Variants in FLT3 observed in about 807,000 individuals in gnomAD.
FLT3 encodes fms related receptor tyrosine kinase 3.
In FLT3, 46 loss-of-function variants were observed where a neutral mutation model predicts 126.6. That is an observed-to-expected ratio of 0.36 (90% CI 0.29 to 0.46). The LOEUF is 0.46. Among genes scored for constraint, FLT3 ranks in the 20% least tolerant of loss-of-function variants. The pLI is 1.00. For synonymous variants in FLT3, 404 were observed against 434.4 expected, an observed-to-expected ratio of 0.93 and a Z score of 0.87; for missense variants, 1,069 against 1,190.3, an observed-to-expected ratio of 0.90 and a Z score of 1.50.
intron 1 of FLT3, among the ~76,000 whole-genome samples, chr13:28,084,625 G>A (rs571426227): frequency 6.6e-6 from 1 of 152,078 alleles, no homozygotes; most frequent in Non-Finnish European, 1.5e-5. Flanking sequence ...TGCCCAGGCT[G>A]AAATTTTAAT....
intron 1 of FLT3, among the ~76,000 whole-genome samples, chr13:28,086,998 GTTTC>G (rs1359026348): frequency 6.6e-6 from 1 of 151,982 alleles, no homozygotes; most frequent in Non-Finnish European, 1.5e-5. Context: ...GGTAGTGATT[GTTTC>G]TTTCAGTTTT....
intron 16 of FLT3, among the ~76,000 whole-genome samples, chr13:28,027,922 T>C (rs1359929646): frequency 6.6e-6 from 1 of 152,142 alleles, no homozygotes; most frequent in African/African-American, 2.4e-5. Flanking sequence ...TGCAATGTTG[T>C]TGTTGTTGTT....
intron 1 of FLT3, among the ~76,000 whole-genome samples, chr13:28,081,372 A>G (rs1878294054): frequency 6.6e-6 from 1 of 152,114 alleles, no homozygotes; most frequent in Non-Finnish European, 1.5e-5. Flanking sequence ...TTTGGATACT[A>G]TTTTGGTATT....
chr13:28,042,188 T>TAACAATAAA lies in FLT3; in HGVS notation c.1206-4901_1206-4900insTTTATTGTT, dbSNP rs1555255326. ...ATAATAATAATAATAATAATAATAATAAATAAAAATGTCAAAGAAAGAGAA... is the reference window on the plus strand; with the variant it reads ...ATAATAATAATAATAATAATAATAATAACAATAAAAAATAAAAATGTCAAAGAAAGAGAA... On this transcript the variant is annotated intron_variant, in intron 9 of 23. Transcript: ENST00000241453. Among the ~76,000 whole-genome samples, 5 of 136,702 alleles carry TAACAATAAA rather than the reference T, an allele frequency of 3.7e-5. No homozygotes were observed. The South Asian group carries it at 9.4e-4, about 26-fold the overall frequency. The allele number at this position is 136,702 out of a possible 152,430, so 89.7% of individuals were successfully genotyped here.
chr13:28,015,677 C>A lies in FLT3; in HGVS notation c.2566G>T (p.Ala856Ser). The change falls in exon 21 of 24, where the codon GCC becomes TCC. Residue 856 changes from alanine to serine, a missense_variant. Physicochemically the swap from Ala to Ser is moderately conservative, Grantham distance 99. Transcript: ENST00000241453. ...ATGCCTTCAAACAGGCTTTCGGGGG[C>A]CATCCATTTTACAGGCAGACGGGCC... ...GNARLPVKWM[A>S]PESLFEGIYT... 2 of 1,606,238 alleles carry A rather than the reference C, an allele frequency of 1.2e-6. No homozygotes were observed. Among genetic ancestry groups the A allele is most frequent in the Non-Finnish European group, 1.7e-6 (2 of 1,176,114 alleles).
At chr13:28,074,171 A>G (rs1877771337) in intron 1 of FLT3, among the ~76,000 whole-genome samples, 1 of 152,024 alleles carries the variant, frequency 6.6e-6, no homozygotes, top group African/African-American at 2.4e-5. Flanking sequence ...CTGTTTTTTT[A>G]TAGGGTGGGT....
Position 28,040,744 on chromosome 13 carries a change from C to T in FLT3, c.1206-3456G>A, listed in dbSNP as rs563487820. On this transcript the variant is annotated intron_variant, in intron 9 of 23. Transcript: ENST00000241453. Reference sequence around the variant, plus strand: ...GCGTGCAGGGGTTCACATCTGTAATCCCAGCACTCTGAGAGGCCGAGGAGG... The same window carrying T: ...GCGTGCAGGGGTTCACATCTGTAATTCCAGCACTCTGAGAGGCCGAGGAGG... Among the ~76,000 whole-genome samples, 8 of 152,210 alleles carry T rather than the reference C, an allele frequency of 5.3e-5. No homozygotes were observed. In the East Asian group the frequency reaches 1.5e-3, roughly 29 times the overall value.
At position 28,003,954 on chromosome 13, in the gene FLT3, T is replaced by C. The variant is rs1870652580; in HGVS notation, c.*98A>G. ...AGTCTGGTGAAGCAGCAGTTGATAA[T>C]AGATTTTCTTTTAGTGATGAAATTA... is the stretch of plus-strand genomic sequence containing the variant. On this transcript the variant is annotated 3_prime_UTR_variant, in exon 24 of 24. Coordinates refer to ENST00000241453, the MANE Select transcript of FLT3 (RefSeq NM_004119.3). 9.2e-6 allele frequency: 13 copies of C among 1,408,116 alleles called. No homozygotes were observed. Among genetic ancestry groups the C allele is most frequent in the Non-Finnish European group, 2.0e-6 (2 of 1,003,924 alleles). 87.2% of individuals were successfully genotyped at this position (1,408,116 alleles called of 1,614,324 possible).
At chr13:28,018,844 T>A (rs146908642) in intron 19 of FLT3, among the ~76,000 whole-genome samples, 86 of 152,330 alleles carry the variant, frequency 5.6e-4, no homozygotes, top group African/African-American at 1.6e-3. Context: ...GGAGCAGATC[T>A]TTTGCAGATT....
chr13:28,051,603 G>A (rs534640661), intron 5 of FLT3, among the ~76,000 whole-genome samples: 1 of 142,606 alleles, frequency 7.0e-6, no homozygotes, highest in Non-Finnish European at 1.5e-5. Flanking sequence ...GGAGTGCAGT[G>A]GCGCGATCTC....
intron 19 of FLT3, 94 bp from the exon 20 acceptor site, chr13:28,018,683 G>A (rs1028442249): frequency 2.1e-5 from 28 of 1,311,074 alleles, no homozygotes; most frequent in East Asian, 7.0e-5. Context: ...AGGAGGTACC[G>A]GTGATGGAAG....
rs765625199 is a variant in FLT3 at position 28,049,779 on chromosome 13, G to A, written c.743-5C>T. 7.5e-6 allele frequency: 12 copies of A among 1,610,370 alleles called. No individual in the cohort carries two copies. In the East Asian group the frequency reaches 2.7e-4, roughly 36 times the overall value. ...TCTGAGGAGTTTGATTTAGATCTAG[G>A]AGATGAAAACATCCCAAGTGAGAAA... On this transcript the variant is annotated splice_region_variant and splice_polypyrimidine_tract_variant and intron_variant, in intron 6 of 23. Coordinates refer to ENST00000241453, the MANE Select transcript of FLT3 (RefSeq NM_004119.3).
At position 28,081,844 on chromosome 13, in the gene FLT3, C is replaced by CTTTTTTT. The variant is rs35243277; in HGVS notation, c.44-11239_44-11233dup. Among the ~76,000 whole-genome samples, 363 of 65,016 alleles carry CTTTTTTT rather than the reference C, an allele frequency of 5.6e-3. 44 individuals are homozygous for CTTTTTTT. The highest frequency in any genetic ancestry group is 0.015 in the East Asian group (20 of 1,344). The allele number at this position is 65,016 out of a possible 152,430, so 42.7% of individuals were successfully genotyped here. On this transcript the variant is annotated intron_variant, in intron 1 of 23. Transcript: ENST00000241453. ...TTACTTTGATTTTTTTACTTTGATT[C>CTTTTTTT]TTTTTTTTTTTTTTTTTTTTTTTTT...
At chr13:28,044,104 C>T (rs546567043) in intron 9 of FLT3, among the ~76,000 whole-genome samples, 2 of 150,934 alleles carry the variant, frequency 1.3e-5, no homozygotes, top group South Asian at 4.2e-4. Context: ...CAAGATTGCG[C>T]CACTGCACTC....
intron 17 of FLT3, among the ~76,000 whole-genome samples, chr13:28,026,134 TGAGGTCAG>T (rs1872776009): frequency 6.6e-6 from 1 of 152,020 alleles, no homozygotes; most frequent in Non-Finnish European, 1.5e-5. Context: ...GTGGATCAAC[TGAGGTCAG>T]GAGTTCAACA....
At chr13:28,094,688 A>G (rs1253080676) in intron 1 of FLT3, among the ~76,000 whole-genome samples, 4 of 152,176 alleles carry the variant, frequency 2.6e-5, no homozygotes, top group Non-Finnish European at 5.9e-5. Context: ...TTTTGTAGAG[A>G]CTGGGTCTCG....
intron 9 of FLT3, among the ~76,000 whole-genome samples, chr13:28,044,990 T>C (rs1874727343): frequency 6.6e-6 from 1 of 152,190 alleles, no homozygotes; most frequent in Non-Finnish European, 1.5e-5. Flanking sequence ...CCTGGTGAGA[T>C]GTGACATACA....
At chr13:28,071,756 T>C (rs1407140590) in intron 1 of FLT3, among the ~76,000 whole-genome samples, 1 of 152,182 alleles carries the variant, frequency 6.6e-6, no homozygotes, top group South Asian at 2.1e-4. Context: ...AGTTATACTA[T>C]TGTGGGGTCC....
Position 28,028,483 on chromosome 13 carries a change from G to A in FLT3, c.1943-195C>T, listed in dbSNP as rs959580277. On this transcript the variant is annotated intron_variant, in intron 15 of 23. Transcript: ENST00000241453. ...AGGCCGAGGTGGGTGGATCACTTGA[G>A]GTCAGAAGTTCAAGACTGGCCTGGC... Among the ~76,000 whole-genome samples the A allele has an allele frequency of 3.3e-5, 5 of 152,042 alleles. No homozygotes were observed. In the East Asian group the frequency reaches 5.8e-4, roughly 18 times the overall value.
Sources: allele counts gnomAD v4.1 joint callset (sites outside exome capture counted in the v4.1 genomes callset), GRCh38; gene constraint gnomAD v4.1.1; transcripts MANE v1.5; gene names NCBI Gene and HGNC (gene_info 2026-07-23, HGNC 2026-07-21).